GTF2IRD1: variants seen among roughly 807,000 people sequenced by gnomAD.
GTF2IRD1 encodes GTF2I repeat domain containing 1.
In GTF2IRD1, 26 loss-of-function variants were observed where a neutral mutation model predicts 113.2. The ratio of observed to expected loss-of-function variants is 0.23; its 90% CI spans 0.17 to 0.32. The LOEUF (loss-of-function observed/expected upper bound fraction) is 0.32, where lower values mean the gene tolerates loss of function less well. GTF2IRD1 is among the 10% of genes least tolerant of loss of function. The probability of loss-of-function intolerance (pLI) is 1.00; values close to 1 mark genes in which losing one functional copy is unlikely to be tolerated. For synonymous variants in GTF2IRD1, 484 were observed against 529.1 expected (o/e 0.91, Z 1.17); for missense variants, 864 against 1,280.8 (o/e 0.67, Z 4.97).
intron 16 of GTF2IRD1, 90 bp downstream of exon 16, chr7:74,545,899 C>A: frequency 1.1e-6 from 1 of 914,240 alleles, no homozygotes; most frequent in Admixed American, 1.8e-5. Flanking sequence ...ATCCCCTTGC[C>A]TGTTCCCATC....
intron 7 of GTF2IRD1, among the ~76,000 whole-genome samples, chr7:74,521,546 G>T (rs782545811): frequency 2.0e-5 from 3 of 152,186 alleles, no homozygotes; most frequent in Non-Finnish European, 4.4e-5. Context: ...AGGGTTGCTT[G>T]AAACCAGGAG....
At chr7:74,524,259 C>CATA in intron 8 of GTF2IRD1, 105 bp downstream of exon 8, 1 of 526,658 alleles carries the variant, frequency 1.9e-6, no homozygotes, top group Non-Finnish European at 3.4e-6. Flanking sequence ...GAGCCATATG[C>CATA]TGGCTCCCGC....
chr7:74,569,087 C>T (rs1800526176), intron 22 of GTF2IRD1, among the ~76,000 whole-genome samples: 1 of 152,156 alleles, frequency 6.6e-6, no homozygotes, highest in Non-Finnish European at 1.5e-5. Context: ...ACTAACTTGC[C>T]CTTTCCCCCA....
At chr7:74,513,558 G>C (rs1465334419) in intron 3 of GTF2IRD1, among the ~76,000 whole-genome samples, 1 of 152,172 alleles carries the variant, frequency 6.6e-6, no homozygotes, top group African/African-American at 2.4e-5. Context: ...GCCCACCTCA[G>C]CCTCCCAAAG....
chr7:74,519,368 CA>C (rs1797128945), intron 5 of GTF2IRD1, 40 bp from the exon 6 acceptor site: 3 of 1,394,030 alleles, frequency 2.2e-6, no homozygotes, highest in African/African-American at 1.5e-5. Flanking sequence ...ATGTGTGAAA[CA>C]GATGTACAAA....
intron 1 of GTF2IRD1, among the ~76,000 whole-genome samples, chr7:74,476,109 A>G (rs1437238749): frequency 2.0e-5 from 3 of 152,022 alleles, no homozygotes; most frequent in African/African-American, 4.8e-5. Context: ...GGGTGTGGCT[A>G]TTTTGCAGTT....
intron 22 of GTF2IRD1, among the ~76,000 whole-genome samples, chr7:74,584,535 T>TA (rs1386878217): frequency 2.0e-5 from 3 of 152,112 alleles, no homozygotes; most frequent in Non-Finnish European, 4.4e-5. Context: ...ATAAAGTAAA[T>TA]AGAGTAGAGG....
intron 7 of GTF2IRD1, among the ~76,000 whole-genome samples, chr7:74,523,055 A>C (rs1554346351): frequency 6.6e-6 from 1 of 152,124 alleles, no homozygotes; most frequent in Non-Finnish European, 1.5e-5. Flanking sequence ...GATTCTCAAG[A>C]TCAAGACTCA....
intron 15 of GTF2IRD1, among the ~76,000 whole-genome samples, chr7:74,545,075 G>C (rs1222332491): frequency 1.3e-5 from 2 of 152,178 alleles, no homozygotes; most frequent in African/African-American, 4.8e-5. Context: ...TACACACCCT[G>C]CTGCTTTGCG....
chr7:74,490,196 G>A (rs1184680539), intron 1 of GTF2IRD1, among the ~76,000 whole-genome samples: 1 of 152,052 alleles, frequency 6.6e-6, no homozygotes, highest in African/African-American at 2.4e-5. Flanking sequence ...TTGAACTCCT[G>A]GGCTTGATCC....
At chr7:74,517,047 G>A (rs1796976060) in intron 4 of GTF2IRD1, among the ~76,000 whole-genome samples, 1 of 151,400 alleles carries the variant, frequency 6.6e-6, no homozygotes, top group Non-Finnish European at 1.5e-5. Flanking sequence ...GTTTTGAGAT[G>A]AAGTTTCACT....
At chr7:74,458,701 C>T (rs1224419710) in intron 1 of GTF2IRD1, among the ~76,000 whole-genome samples, 1 of 150,168 alleles carries the variant, frequency 6.7e-6, no homozygotes, top group Non-Finnish European at 1.5e-5. Flanking sequence ...GTTGCCCACG[C>T]TGGAGTGCAG....
chr7:74,546,332 C>T (rs1446892033), intron 16 of GTF2IRD1, among the ~76,000 whole-genome samples: 1 of 151,278 alleles, frequency 6.6e-6, no homozygotes, highest in African/African-American at 2.4e-5. Context: ...AGAAATTCTC[C>T]TGCCTCACCC....
intron 22 of GTF2IRD1, among the ~76,000 whole-genome samples, chr7:74,567,697 G>T (rs1168623359): frequency 1.3e-5 from 2 of 152,222 alleles, no homozygotes; most frequent in East Asian, 3.9e-4. Flanking sequence ...CCACACATCG[G>T]GGGGGTCAGG....
chr7:74,455,944 G>A (rs139222103), intron 1 of GTF2IRD1, among the ~76,000 whole-genome samples: 1 of 152,290 alleles, frequency 6.6e-6, no homozygotes, highest in African/African-American at 2.4e-5. Flanking sequence ...TGTAAAACTG[G>A]GTCTTGAAGA....
intron 1 of GTF2IRD1, among the ~76,000 whole-genome samples, chr7:74,491,925 C>T (rs1416567522): frequency 6.6e-6 from 1 of 152,214 alleles, no homozygotes; most frequent in Non-Finnish European, 1.5e-5. Flanking sequence ...AATGGCTGAA[C>T]TAATTTACAA....
intron 2 of GTF2IRD1, among the ~76,000 whole-genome samples, chr7:74,509,965 G>A (rs1297463992): frequency 6.6e-6 from 1 of 152,112 alleles, no homozygotes; most frequent in Non-Finnish European, 1.5e-5. Context: ...GTGAGCCACT[G>A]CGCCTGGCCC....
At chr7:74,518,381 C>T (rs782338889) in intron 5 of GTF2IRD1, 59 bp downstream of exon 5, 80 of 1,412,884 alleles carry the variant, frequency 5.7e-5, no homozygotes, top group Middle Eastern at 2.0e-4. Context: ...GGGTCAGGGC[C>T]GGGGGCTGGA....
At chr7:74,550,347 G>A (rs1231124267) in intron 17 of GTF2IRD1, among the ~76,000 whole-genome samples, 1 of 151,912 alleles carries the variant, frequency 6.6e-6, no homozygotes, top group Non-Finnish European at 1.5e-5. Context: ...CTATATACAT[G>A]TATAGTACTG....
Sources: allele counts gnomAD v4.1 joint callset (sites outside exome capture counted in the v4.1 genomes callset), GRCh38; gene constraint gnomAD v4.1.1; transcripts MANE v1.5; gene names NCBI Gene and HGNC (gene_info 2026-07-23, HGNC 2026-07-21).